The following PLCL1 variants were observed in gnomAD, a reference collection of about 807,000 sequenced individuals.
The protein encoded by PLCL1 is phospholipase C like 1 (inactive).
A neutral mutation model predicts 84.4 loss-of-function variants in PLCL1; 41 were observed. That is an observed-to-expected ratio of 0.49 (90% CI 0.38 to 0.63). PLCL1 has a LOEUF of 0.63. PLCL1 is among the 30% of genes least tolerant of loss of function. PLCL1 has a pLI of 0.00. For synonymous variants in PLCL1, 490 were observed against 488.3 expected (o/e 1.00, Z -0.05); for missense variants, 1,206 against 1,367.8 (o/e 0.88, Z 1.87).
chr2:197,945,435 G>A (rs148836503), intron 1 of PLCL1, among the ~76,000 whole-genome samples: 1 of 152,278 alleles, frequency 6.6e-6, no homozygotes, highest in African/African-American at 2.4e-5. Flanking sequence ...TAGAAACACA[G>A]AATTAGAAAT....
chr2:197,931,786 G>A (rs764599552), intron 1 of PLCL1, among the ~76,000 whole-genome samples: 39 of 150,528 alleles, frequency 2.6e-4, no homozygotes, highest in South Asian at 4.2e-4. Context: ...TCAGTGGGAA[G>A]CATAAAGGAC....
At chr2:197,874,617 G>A (rs1295929271) in intron 1 of PLCL1, among the ~76,000 whole-genome samples, 1 of 152,006 alleles carries the variant, frequency 6.6e-6, no homozygotes, top group Non-Finnish European at 1.5e-5. Flanking sequence ...AGGTGAAAAA[G>A]CACAAATTAA....
chr2:198,030,990 A>G (rs997475554), intron 1 of PLCL1, among the ~76,000 whole-genome samples: 3 of 152,216 alleles, frequency 2.0e-5, no homozygotes, highest in Admixed American at 2.0e-4. Flanking sequence ...TAATTAAAAT[A>G]TCAGTTCCTT....
chr2:197,816,075 G>T (rs1267786585), intron 1 of PLCL1, among the ~76,000 whole-genome samples: 1 of 152,104 alleles, frequency 6.6e-6, no homozygotes, highest in Non-Finnish European at 1.5e-5. Context: ...CTATCAAACA[G>T]CATTGTATGC....
At chr2:198,047,486 G>T (rs1691835522) in intron 1 of PLCL1, among the ~76,000 whole-genome samples, 1 of 152,058 alleles carries the variant, frequency 6.6e-6, no homozygotes, top group African/African-American at 2.4e-5. Context: ...CCAGCCAAAA[G>T]ATGCAGTAAT....
chr2:198,104,067 C>T, intron 5 of PLCL1, 131 bp downstream of exon 5: 1 of 488,932 alleles, frequency 2.0e-6, no homozygotes, highest in Non-Finnish European at 3.7e-6. Flanking sequence ...TTCAGGGTTA[C>T]ATGTGCAGGT....
Position 197,844,244 on chromosome 2 carries a change from A to C in PLCL1, c.240+38905A>C, listed in dbSNP as rs376950897. Among the ~76,000 whole-genome samples the C allele has an allele frequency of 1.1e-4, 16 of 152,292 alleles. 1 individual carries two copies. The highest frequency in any genetic ancestry group is 3.6e-4 in the African/African-American group (15 of 41,576). Reference sequence around the variant, plus strand: ...CTAGATCAAGAAATAAAATGGTGTCAGCACCCCAGAAGGAGCACACCTTCT... The same window carrying C: ...CTAGATCAAGAAATAAAATGGTGTCCGCACCCCAGAAGGAGCACACCTTCT... On this transcript the variant is annotated intron_variant, in intron 1 of 5. Coordinates refer to ENST00000428675, the MANE Select transcript of PLCL1 (RefSeq NM_006226.4).
chr2:198,087,416 G>T (rs1470801595), intron 2 of PLCL1, among the ~76,000 whole-genome samples: 1 of 152,118 alleles, frequency 6.6e-6, no homozygotes, highest in Non-Finnish European at 1.5e-5. Flanking sequence ...AACAATAACA[G>T]ATATTCACCG....
At chr2:197,833,155 A>G (rs559886615) in intron 1 of PLCL1, among the ~76,000 whole-genome samples, 2 of 152,312 alleles carry the variant, frequency 1.3e-5, no homozygotes, top group South Asian at 4.1e-4. Flanking sequence ...AAAAACTCTC[A>G]ATAAGGTAGG....
intron 1 of PLCL1, among the ~76,000 whole-genome samples, chr2:197,830,293 C>T (rs1691029943): frequency 1.3e-5 from 2 of 151,970 alleles, no homozygotes; most frequent in African/African-American, 4.8e-5. Flanking sequence ...AGAGGGATTG[C>T]TAACTAGAAT....
At chr2:197,814,625 A>G (rs1690651660) in intron 1 of PLCL1, among the ~76,000 whole-genome samples, 1 of 152,194 alleles carries the variant, frequency 6.6e-6, no homozygotes, top group African/African-American at 2.4e-5. Flanking sequence ...GATTAAGCTT[A>G]GTAAGGAAGG....
intron 1 of PLCL1, among the ~76,000 whole-genome samples, chr2:197,888,863 T>G (rs976175871): frequency 6.6e-6 from 1 of 152,188 alleles, no homozygotes; most frequent in South Asian, 2.1e-4. Context: ...ATAAAAGATA[T>G]GATTATTAAA....
At chr2:198,066,585 G>C (rs893898801) in intron 1 of PLCL1, among the ~76,000 whole-genome samples, 3 of 152,168 alleles carry the variant, frequency 2.0e-5, no homozygotes, top group Non-Finnish European at 4.4e-5. Flanking sequence ...CTAGCAGCTA[G>C]ATATATTTTT....
rs553505006 is a variant in PLCL1, at chr2:197,809,501, T to G, written c.240+4162T>G. ...CCTTCTTTCCTTCAGTTCAGAACAT[T>G]TGGAGGTTGATTATTCTAGAAAGGG... On this transcript the variant is annotated intron_variant, in intron 1 of 5. Transcript: ENST00000428675. Among the ~76,000 whole-genome samples the G allele has an allele frequency of 4.6e-5, 7 of 152,316 alleles. No homozygotes were observed. The East Asian group carries it at 1.4e-3, about 29-fold the overall frequency.
At chr2:198,119,693 G>T (rs1005780951) in intron 5 of PLCL1, among the ~76,000 whole-genome samples, 3 of 151,924 alleles carry the variant, frequency 2.0e-5, no homozygotes, top group African/African-American at 7.3e-5. Flanking sequence ...TATAGTGCCA[G>T]ATCTGTAGCT....
intron 1 of PLCL1, among the ~76,000 whole-genome samples, chr2:197,934,855 T>C (rs1193017255): frequency 6.6e-6 from 1 of 152,146 alleles, no homozygotes; most frequent in Non-Finnish European, 1.5e-5. Flanking sequence ...AGACAACCTA[T>C]AGAATAGGAG....
intron 1 of PLCL1, among the ~76,000 whole-genome samples, chr2:197,940,461 C>T (rs16825917): frequency 0.16 from 24,607 of 152,158 alleles, 2,262 homozygotes; most frequent in East Asian, 0.26. Context: ...CAGATGATAT[C>T]AAAATCTGAT....
chr2:198,054,584 T>C (rs1431635694), intron 1 of PLCL1, among the ~76,000 whole-genome samples: 1 of 152,242 alleles, frequency 6.6e-6, no homozygotes, highest in Non-Finnish European at 1.5e-5. Flanking sequence ...ACCCATTCTT[T>C]GCCAGTTGGG....
At position 198,115,845 on chromosome 2, in the gene PLCL1, C is replaced by T. The variant is rs1217350205; in HGVS notation, c.3105+11909C>T. On this transcript the variant is annotated intron_variant, in intron 5 of 5. Transcript: ENST00000428675. ...TTTCTGTTTGGCCCCGCCCTTGACA[C>T]GTGGGGATTATTACAATTCAAGGTG... 3.3e-5 allele frequency among the ~76,000 whole-genome samples: 5 copies of T among 151,182 alleles called. No individual in the cohort carries two copies. In the East Asian group the frequency reaches 7.8e-4, roughly 24 times the overall value.
Sources: gnomAD v4.1 joint callset for allele counts (sites outside exome capture counted in the v4.1 genomes callset) on GRCh38, gnomAD v4.1.1 for gene constraint, MANE v1.5 for transcripts, NCBI Gene and HGNC (gene_info 2026-07-23, HGNC 2026-07-21) for gene names.